The following CCDC85A variants were observed in gnomAD, a reference collection of about 807,000 sequenced individuals.
The protein encoded by CCDC85A is coiled-coil domain containing 85A, also known as coiled-coil domain-containing protein 85A.
CCDC85A carries 38 observed loss-of-function variants against 50.2 expected under a neutral mutation model. That is an observed-to-expected ratio of 0.76 (90% CI 0.58 to 0.99). The LOEUF is 0.99. CCDC85A is among the 50% of genes least tolerant of loss of function. The pLI is 0.00. For missense variants in CCDC85A, 820 were observed against 742.0 expected (o/e 1.11, Z -1.22); for synonymous variants, 366 against 301.4 (o/e 1.21, Z -2.22).
intron 2 of CCDC85A, among the ~76,000 whole-genome samples, chr2:56,201,997 C>T (rs1676765698): frequency 6.6e-6 from 1 of 152,140 alleles, no homozygotes; most frequent in African/African-American, 2.4e-5. Flanking sequence ...TCCCAGGGCA[C>T]AGGGTCAGTG....
chr2:56,328,376 GA>G (rs1004256521), intron 2 of CCDC85A, among the ~76,000 whole-genome samples: 3 of 152,112 alleles, frequency 2.0e-5, no homozygotes, highest in Non-Finnish European at 2.9e-5. Flanking sequence ...CAAGGCTGGG[GA>G]CAAGGGGATA....
chr2:56,294,974 T>C (rs545631371), intron 2 of CCDC85A, among the ~76,000 whole-genome samples: 71 of 152,318 alleles, frequency 4.7e-4, no homozygotes, highest in African/African-American at 1.7e-3. Context: ...ACTAAATACA[T>C]GATAGCATGA....
chr2:56,289,615 G>T (rs1316987307), intron 2 of CCDC85A, among the ~76,000 whole-genome samples: 1 of 152,074 alleles, frequency 6.6e-6, no homozygotes, highest in Admixed American at 6.5e-5. Context: ...GATTGTGAGA[G>T]GTGAGGCGGA....
intron 2 of CCDC85A, among the ~76,000 whole-genome samples, chr2:56,259,129 G>A (rs1461264160): frequency 1.3e-5 from 2 of 152,136 alleles, no homozygotes; most frequent in Non-Finnish European, 2.9e-5. Context: ...CTGACCAGTT[G>A]GGGTTATCAT....
intron 2 of CCDC85A, among the ~76,000 whole-genome samples, chr2:56,299,312 A>C (rs1341554551): frequency 6.6e-6 from 1 of 152,198 alleles, no homozygotes; most frequent in East Asian, 1.9e-4. Flanking sequence ...GGAGGCTATT[A>C]GCCTTGGCTG....
At chr2:56,373,686 C>T (rs1332811092) in intron 4 of CCDC85A, among the ~76,000 whole-genome samples, 1 of 152,176 alleles carries the variant, frequency 6.6e-6, no homozygotes, top group Non-Finnish European at 1.5e-5. Context: ...GGTTTATTGC[C>T]TTCTAAATTA....
At chr2:56,284,244 A>G (rs1193324764) in intron 2 of CCDC85A, among the ~76,000 whole-genome samples, 1 of 152,110 alleles carries the variant, frequency 6.6e-6, no homozygotes, top group African/African-American at 2.4e-5. Flanking sequence ...CATTTTTGAA[A>G]TTTATTATGT....
chr2:56,372,483 G>C lies in CCDC85A; in HGVS notation c.1452+5G>C. The C allele has an allele frequency of 6.3e-7, 1 of 1,585,534 alleles. No individual in the cohort carries two copies. Among genetic ancestry groups the C allele is most frequent in the Non-Finnish European group, 8.6e-7 (1 of 1,164,120 alleles). ...CGATGCCTGCCTACTCTCCCGGTGA[G>C]TGAAGATGAGTCAGCTGGATGCATT... is the stretch of plus-strand genomic sequence containing the variant. On this transcript the variant is annotated splice_donor_5th_base_variant and intron_variant, in intron 4 of 5. Transcript: ENST00000407595.
intron 1 of CCDC85A, among the ~76,000 whole-genome samples, chr2:56,189,914 C>T (rs1421672649): frequency 6.6e-6 from 1 of 152,008 alleles, no homozygotes; most frequent in South Asian, 2.1e-4. Flanking sequence ...AAAGGTCAGG[C>T]CTGAAAACAG....
intron 2 of CCDC85A, among the ~76,000 whole-genome samples, chr2:56,256,720 T>G (rs2104009253): frequency 6.6e-6 from 1 of 152,328 alleles, no homozygotes; most frequent in Admixed American, 6.5e-5. Context: ...AAATATAACC[T>G]TCCTGGCCTA....
chr2:56,302,071 C>A (rs1011547867), intron 2 of CCDC85A, among the ~76,000 whole-genome samples: 1 of 151,872 alleles, frequency 6.6e-6, no homozygotes, highest in East Asian at 1.9e-4. Context: ...GCCTGGCCAA[C>A]AAGGTGAAAT....
intron 2 of CCDC85A, among the ~76,000 whole-genome samples, chr2:56,296,789 C>G (rs1167363444): frequency 6.6e-6 from 1 of 152,090 alleles, no homozygotes; most frequent in African/African-American, 2.4e-5. Context: ...GCAATTTAAA[C>G]AATTTACATA....
chr2:56,334,808 G>T (rs1673991937), intron 2 of CCDC85A, among the ~76,000 whole-genome samples: 1 of 152,204 alleles, frequency 6.6e-6, no homozygotes, highest in African/African-American at 2.4e-5. Flanking sequence ...CTGGCTAGGG[G>T]AATGTGTGGG....
chr2:56,351,279 C>G (rs1674919997), intron 3 of CCDC85A, among the ~76,000 whole-genome samples: 1 of 151,988 alleles, frequency 6.6e-6, no homozygotes, highest in African/African-American at 2.4e-5. Flanking sequence ...TAGTTCAAGT[C>G]TTTGCTATTG....
intron 2 of CCDC85A, among the ~76,000 whole-genome samples, chr2:56,242,144 A>G (rs1213204611): frequency 6.6e-6 from 1 of 152,102 alleles, no homozygotes; most frequent in Non-Finnish European, 1.5e-5. Context: ...TGAAATGTCT[A>G]TTCAGATCTT....
chr2:56,333,194 G>C (rs1673901011), intron 2 of CCDC85A, among the ~76,000 whole-genome samples: 1 of 152,188 alleles, frequency 6.6e-6, no homozygotes. Context: ...AGCAGATCAG[G>C]AGTGTGGGTT....
intron 2 of CCDC85A, among the ~76,000 whole-genome samples, chr2:56,293,518 A>G (rs1461662423): frequency 6.6e-6 from 1 of 152,226 alleles, no homozygotes; most frequent in South Asian, 2.1e-4. Context: ...CAGCGAAAGA[A>G]ACTATCATCA....
chr2:56,372,614 G>A, intron 4 of CCDC85A, 136 bp downstream of exon 4: 1 of 1,036,374 alleles, frequency 9.6e-7, no homozygotes, highest in Non-Finnish European at 1.3e-6. Context: ...TAAGTCTGGG[G>A]AGGGAGGATG....
intron 1 of CCDC85A, 105 bp downstream of exon 1, chr2:56,185,005 C>T: frequency 2.2e-6 from 3 of 1,334,332 alleles, no homozygotes; most frequent in Non-Finnish European, 2.9e-6. Context: ...ACAGGTGACC[C>T]TCCCCTTCTC....
Sources: gnomAD v4.1 joint callset for allele counts (sites outside exome capture counted in the v4.1 genomes callset) on GRCh38, gnomAD v4.1.1 for gene constraint, MANE v1.5 for transcripts, NCBI Gene and HGNC (gene_info 2026-07-23, HGNC 2026-07-21) for gene names.